BLOC1S3: variants seen among roughly 807,000 people sequenced by gnomAD.
BLOC1S3 encodes biogenesis of lysosome-related organelles complex 1 subunit 3.
Under a neutral mutation model 9.1 loss-of-function variants are expected in BLOC1S3, and 7 were observed. The observed-to-expected ratio is 0.77, with a 90% CI of 0.44 to 1.45. The LOEUF (loss-of-function observed/expected upper bound fraction) is 1.45, where lower values mean the gene tolerates loss of function less well. Among genes scored for constraint, BLOC1S3 ranks in the 40% most tolerant of loss-of-function variants. The pLI is 0.01. For synonymous variants in BLOC1S3, 145 were observed against 158.4 expected, an observed-to-expected ratio of 0.92 and a Z score of 0.64; for missense variants, 307 against 315.2, an observed-to-expected ratio of 0.97 and a Z score of 0.20.
downstream of BLOC1S3, among the ~76,000 whole-genome samples, chr19:45,185,060 G>C (rs1287617253): frequency 6.6e-6 from 1 of 152,070 alleles, no homozygotes; most frequent in East Asian, 1.9e-4. Context: ...TGATACAGGG[G>C]AAAGGTGGGA....
intron 3 of BLOC1S3, among the ~76,000 whole-genome samples, chr19:45,202,885 T>A (rs1383922406): frequency 6.6e-6 from 1 of 151,942 alleles, no homozygotes; most frequent in Non-Finnish European, 1.5e-5. Context: ...CAGGACTGGG[T>A]CCTTCCTTTC....
chr19:45,215,885 AGGCAGCAGCGGC>A (rs932862558), intron 3 of BLOC1S3, among the ~76,000 whole-genome samples: 1 of 152,082 alleles, frequency 6.6e-6, no homozygotes, highest in African/African-American at 2.4e-5. Context: ...GTGGCGGCGG[AGGCAGCAGCGGC>A]GGCAGGAGAA....
intron 3 of BLOC1S3, chr19:45,213,015 G>T: frequency 7.0e-7 from 1 of 1,427,280 alleles, no homozygotes; most frequent in Non-Finnish European, 9.1e-7. Context: ...CGTACGGGAG[G>T]TTGGCTTGTC....
chr19:45,203,317 G>C (rs976390148), intron 3 of BLOC1S3, among the ~76,000 whole-genome samples: 3 of 152,022 alleles, frequency 2.0e-5, no homozygotes, highest in Non-Finnish European at 4.4e-5. Flanking sequence ...GCTGTTGTCC[G>C]GGCTGGAGTG....
chr19:45,215,481 G>GA (rs751130338), intron 3 of BLOC1S3, among the ~76,000 whole-genome samples: 1 of 151,544 alleles, frequency 6.6e-6, no homozygotes, highest in Non-Finnish European at 1.5e-5. Context: ...AAAAAAAAAA[G>GA]AAAAAAAGTT....
At chr19:45,185,930 G>A (rs141673642), downstream of BLOC1S3, among the ~76,000 whole-genome samples, 1 of 152,214 alleles carries the variant, frequency 6.6e-6, no homozygotes, top group Non-Finnish European at 1.5e-5. Flanking sequence ...GGCCAACATG[G>A]TGAAACCCCC....
intron 3 of BLOC1S3, among the ~76,000 whole-genome samples, chr19:45,215,634 C>T (rs1290089958): frequency 6.6e-6 from 1 of 152,186 alleles, no homozygotes; most frequent in African/African-American, 2.4e-5. Flanking sequence ...CTACTATCCC[C>T]ATGGAACGGA....
rs1163427838 is a variant in BLOC1S3, at chr19:45,181,057, G to C, written c.*1152G>C. The C allele has an allele frequency of 6.0e-6, 1 of 167,460 alleles. No individual in the cohort carries two copies. The highest frequency in any genetic ancestry group is 1.5e-5 in the Non-Finnish European group (1 of 68,406). 10.4% of individuals were successfully genotyped at this position (167,460 alleles called of 1,614,324 possible). ...GTCCTTGTTCTGCTGCCCAAGCTTG[G>C]CCCTGGTTCCGTGTGCTGGTTCTAC... On this transcript the variant is annotated 3_prime_UTR_variant, in exon 2 of 2. Coordinates refer to ENST00000433642, the MANE Select transcript of BLOC1S3 (RefSeq NM_212550.5).
chr19:45,200,472 G>A (rs949690476), intron 2 of BLOC1S3, among the ~76,000 whole-genome samples: 10 of 152,148 alleles, frequency 6.6e-5, no homozygotes, highest in African/African-American at 1.9e-4. Context: ...GTGAGACACC[G>A]TGCCCAGCCC....
downstream of BLOC1S3, among the ~76,000 whole-genome samples, chr19:45,184,598 C>G (rs1210016259): frequency 6.6e-6 from 1 of 151,908 alleles, no homozygotes; most frequent in Non-Finnish European, 1.5e-5. Context: ...AGAGTGAGAC[C>G]TTGTCTCAAA....
Position 45,179,931 on chromosome 19 carries a change from T to C in BLOC1S3, c.*26T>C. On this transcript the variant is annotated 3_prime_UTR_variant, in exon 2 of 2. Transcript: ENST00000433642. The surrounding 1 kb of genome is among the most constrained non-coding windows in gnomAD (Gnocchi z 4.6). ...CCATGATTCTACTTCCCAACCTGAC[T>C]GCAATTTGGGGGTAGGCCTTGCTGC... 1 of 1,601,976 alleles carries C rather than the reference T, an allele frequency of 6.2e-7. No individual in the cohort carries two copies.
chr19:45,206,462 T>TGTTGTTTTTTTTG (rs1555754631), intron 3 of BLOC1S3, among the ~76,000 whole-genome samples: 2 of 115,506 alleles, frequency 1.7e-5, no homozygotes, highest in African/African-American at 7.2e-5. Context: ...TTTTTTTTTT[T>TGTTGTTTTTTTTG]TTTTTTTTTT....
intron 2 of BLOC1S3, among the ~76,000 whole-genome samples, chr19:45,193,130 CTCAAAAAAA>C (rs1169933410): frequency 7.4e-5 from 3 of 40,716 alleles, no homozygotes; most frequent in East Asian, 8.1e-4. Context: ...AAAACTCCGT[CTCAAAAAAA>C]AAAAAAAAAA....
chr19:45,216,090 G>C (rs141938500), intron 3 of BLOC1S3: 4 of 1,613,836 alleles, frequency 2.5e-6, no homozygotes, highest in South Asian at 2.2e-5. Flanking sequence ...CTGGGTAGTC[G>C]CGCACCAACA....
At position 45,180,151 on chromosome 19, in the gene BLOC1S3, G is replaced by A. The variant is rs148427902; in HGVS notation, c.*246G>A. 1.3e-3 allele frequency: 568 copies of A among 432,698 alleles called. 2 individuals are homozygous for A. The highest frequency in any genetic ancestry group is 0.01 in the African/African-American group (504 of 48,028). The allele number at this position is 432,698 out of a possible 1,614,324, so 26.8% of individuals were successfully genotyped here. A position where few individuals can be genotyped will look rare whatever the true frequency, so the allele number is the denominator to read the frequency against. On this transcript the variant is annotated 3_prime_UTR_variant, in exon 2 of 2. Coordinates refer to ENST00000433642, the MANE Select transcript of BLOC1S3 (RefSeq NM_212550.5). ...TCTCCCGATCCTGACCCTGCCGCCT[G>A]GTTCTGAGCCTTCCCCTGGGGCTTG... is the stretch of plus-strand genomic sequence containing the variant.
intron 2 of BLOC1S3, among the ~76,000 whole-genome samples, chr19:45,195,938 A>G (rs1599753137): frequency 6.6e-6 from 1 of 152,220 alleles, no homozygotes; most frequent in Admixed American, 6.6e-5. Flanking sequence ...CATTCTAATC[A>G]GAATGAAAAA....
upstream of BLOC1S3, among the ~76,000 whole-genome samples, chr19:45,186,952 T>C (rs1449172322): frequency 6.6e-6 from 1 of 152,200 alleles, no homozygotes; most frequent in Non-Finnish European, 1.5e-5. Context: ...GCAGTGCCTA[T>C]AGCAACATTG....
At position 45,180,594 on chromosome 19, in the gene BLOC1S3, G is replaced by A. The variant is rs528043258; in HGVS notation, c.*689G>A. ...CTTTCTGAGTTTGGTTTCTGCTTAT[G>A]GTGGGGAGCTTGTTCCCGTTCTTCC... is the stretch of plus-strand genomic sequence containing the variant. On this transcript the variant is annotated 3_prime_UTR_variant, in exon 2 of 2. Transcript: ENST00000433642. 1 of 167,230 alleles carries A rather than the reference G, an allele frequency of 6.0e-6. No individual in the cohort carries two copies. Among genetic ancestry groups the A allele is most frequent in the East Asian group, 1.9e-4 (1 of 5,190 alleles). 10.4% of individuals were successfully genotyped at this position (167,230 alleles called of 1,614,324 possible). A position where few individuals can be genotyped will look rare whatever the true frequency, so the allele number is the denominator to read the frequency against.
intron 2 of BLOC1S3, among the ~76,000 whole-genome samples, chr19:45,201,911 C>G (rs1969693457): frequency 6.6e-6 from 1 of 152,118 alleles, no homozygotes; most frequent in Non-Finnish European, 1.5e-5. Flanking sequence ...CTCATTCTGT[C>G]TTGCCTGCCA....
Sources: allele counts gnomAD v4.1 joint callset (sites outside exome capture counted in the v4.1 genomes callset), GRCh38; gene constraint gnomAD v4.1.1; non-coding constraint Gnocchi (gnomAD v3.1); transcripts MANE v1.5; gene names NCBI Gene and HGNC (gene_info 2026-07-23, HGNC 2026-07-21).